Variants in FGFR1OP2 observed in about 807,000 individuals in gnomAD.
The protein encoded by FGFR1OP2 is FGFR1 oncogene partner 2.
Under a neutral mutation model 35.2 loss-of-function variants are expected in FGFR1OP2, and 17 were observed. The observed-to-expected ratio is 0.48, with a 90% CI of 0.33 to 0.73. The LOEUF (loss-of-function observed/expected upper bound fraction) is 0.73. FGFR1OP2 is among the 30% of genes least tolerant of loss of function. The probability of loss-of-function intolerance (pLI) is 0.02; values close to 1 mark genes in which losing one functional copy is unlikely to be tolerated. For synonymous variants in FGFR1OP2, 105 were observed against 104.6 expected (o/e 1.00, Z -0.03); for missense variants, 251 against 307.3 (o/e 0.82, Z 1.37).
At position 26,954,194 on chromosome 12, in the gene FGFR1OP2, T is replaced by C. The variant is rs1938983216; in HGVS notation, c.36T>C (p.Ala12=). Residue 12 remains alanine, a synonymous_variant, in exon 2 of 7, where the codon GCT becomes GCC. Coordinates refer to ENST00000229395, the MANE Select transcript of FGFR1OP2 (RefSeq NM_015633.3). ...CAATTGAGAAGGCACTTGCCGACGC[T>C]AAAGCTCTTGTTGAAAGATTAAGAG... ...SCTIEKALAD[A]KALVERLRDH... The C allele has an allele frequency of 6.2e-7, 1 of 1,609,748 alleles. No homozygotes were observed.
chr12:26,941,215 G>A (rs887218667), intron 1 of FGFR1OP2, among the ~76,000 whole-genome samples: 1 of 152,032 alleles, frequency 6.6e-6, no homozygotes, highest in African/African-American at 2.4e-5. Context: ...AAAATAGGCC[G>A]AAAAGTTTAG....
In FGFR1OP2 at chr12:26,963,363, C is replaced by A; in HGVS notation, c.532C>A (p.Gln178Lys). The change falls in exon 6 of 7, where the codon CAG (glutamine) becomes AAG (lysine). Residue 178 changes from glutamine to lysine, a missense_variant. Gln to Lys is a moderately conservative substitution (Grantham distance 53). Transcript: ENST00000229395. ...TCAGGAACTGCAAGCACATGTTGAC[C>A]AGATAACTGAAATGGCAGCAGTAAT... ...NQNELQAHVD[Q>K]ITEMAAVMRK... 6.2e-7 allele frequency: 1 copy of A among 1,608,288 alleles called. No individual in the cohort carries two copies.
intron 3 of FGFR1OP2, among the ~76,000 whole-genome samples, chr12:26,957,169 C>G (rs889811305): frequency 6.6e-6 from 1 of 152,132 alleles, no homozygotes; most frequent in Non-Finnish European, 1.5e-5. Context: ...TCATGCCTAC[C>G]TGCTTAGAAG....
intron 1 of FGFR1OP2, among the ~76,000 whole-genome samples, chr12:26,939,641 CA>C (rs748247293): frequency 3.9e-4 from 59 of 152,192 alleles, no homozygotes; most frequent in Non-Finnish European, 7.1e-4. Context: ...CCCCAGGTGA[CA>C]TTGATACCGC....
chr12:26,961,503 G>A (rs1417541504), intron 5 of FGFR1OP2: 1 of 152,158 alleles, frequency 6.6e-6, no homozygotes, highest in Non-Finnish European at 1.5e-5. Context: ...TTGGGAGGCT[G>A]AGGTGGGTGG....
intron 1 of FGFR1OP2, among the ~76,000 whole-genome samples, chr12:26,941,796 T>G (rs1167041146): frequency 1.3e-5 from 2 of 152,236 alleles, no homozygotes; most frequent in Admixed American, 6.5e-5. Flanking sequence ...TATGGCTGGC[T>G]TGAAAATTTT....
intron 2 of FGFR1OP2, among the ~76,000 whole-genome samples, chr12:26,955,766 A>T (rs1466768250): frequency 6.6e-6 from 1 of 152,240 alleles, no homozygotes; most frequent in Non-Finnish European, 1.5e-5. Context: ...TGGTAAGAAT[A>T]TGCTGCTATG....
chr12:26,958,074 T>C (rs1939050819), intron 4 of FGFR1OP2: 1 of 171,844 alleles, frequency 5.8e-6, no homozygotes, highest in Non-Finnish European at 1.2e-5. Flanking sequence ...AAATATTTCT[T>C]AAAGGGCTGG....
chr12:26,959,843 G>A (rs987271732), intron 4 of FGFR1OP2, among the ~76,000 whole-genome samples: 4 of 152,040 alleles, frequency 2.6e-5, no homozygotes, highest in African/African-American at 9.7e-5. Flanking sequence ...GGTTAGTTAT[G>A]GGAAATAATA....
intron 5 of FGFR1OP2, chr12:26,963,039 A>G (rs1484489260): frequency 4.9e-6 from 1 of 204,350 alleles, no homozygotes; most frequent in Non-Finnish European, 9.8e-6. Context: ...TAGTGTATGT[A>G]AGTGCAAAAA....
intron 1 of FGFR1OP2, among the ~76,000 whole-genome samples, chr12:26,939,503 T>C (rs1592243774): frequency 2.0e-5 from 3 of 152,294 alleles, no homozygotes; most frequent in Admixed American, 2.0e-4. Flanking sequence ...TACTGGCTAT[T>C]TCCCCAAACA....
In FGFR1OP2 at chr12:26,965,131, C is replaced by T. The variant is rs969500668; in HGVS notation, c.*398C>T. The T allele has an allele frequency of 9.0e-5, 14 of 155,650 alleles. No homozygotes were observed. The highest frequency in any genetic ancestry group is 5.1e-4 in the Admixed American group (8 of 15,666). 9.6% of individuals were successfully genotyped at this position (155,650 alleles called of 1,614,324 possible). A position where few individuals can be genotyped will look rare whatever the true frequency, so the allele number is the denominator to read the frequency against. On this transcript the variant is annotated 3_prime_UTR_variant, in exon 7 of 7. Coordinates refer to ENST00000229395, the MANE Select transcript of FGFR1OP2 (RefSeq NM_015633.3). The stretch of plus-strand genomic sequence containing the variant: ...CTGTTTTGTGAACGGAGGATTTGTA[C>T]GCTAAATTTCATCCTTATTTGGCGT...
intron 1 of FGFR1OP2, among the ~76,000 whole-genome samples, chr12:26,950,347 T>A (rs575624194): frequency 6.8e-6 from 1 of 146,948 alleles, no homozygotes; most frequent in Non-Finnish European, 1.5e-5. Flanking sequence ...CTCAGCCTCC[T>A]GCGTAGCTGA....
Position 26,956,599 on chromosome 12 carries a change from G to A in FGFR1OP2, c.192G>A (p.Thr64=), listed in dbSNP as rs1939024781. ...NEVARHRPRS[T]LVMGIQQENR... ...TCGCGAGACATCGGCCACGGTCCAC[G>A]TTAGTTATGGGAATCCAGCAAGAAA... The change falls in exon 3 of 7, where the codon ACG becomes ACA. Residue 64 remains threonine, a synonymous_variant. Transcript: ENST00000229395. The A allele has an allele frequency of 1.9e-6, 3 of 1,604,918 alleles. No individual in the cohort carries two copies. The highest frequency in any genetic ancestry group is 1.3e-5 in the African/African-American group (1 of 74,594).
At chr12:26,954,412 A>C in intron 2 of FGFR1OP2, 119 bp downstream of exon 2, 1 of 1,216,540 alleles carries the variant, frequency 8.2e-7, no homozygotes, top group Non-Finnish European at 1.1e-6. Flanking sequence ...AAGTAGCTTG[A>C]CTTGTGTGTT....
intron 1 of FGFR1OP2, among the ~76,000 whole-genome samples, chr12:26,952,087 C>CTTTTTT (rs34270981): frequency 2.6e-5 from 3 of 117,220 alleles, no homozygotes; most frequent in Non-Finnish European, 3.5e-5. Flanking sequence ...AGTGCCCGTC[C>CTTTTTT]TTTTTTTTTT....
chr12:26,956,030 TA>T (rs1555211891), intron 2 of FGFR1OP2, among the ~76,000 whole-genome samples: 2 of 151,036 alleles, frequency 1.3e-5, no homozygotes, highest in African/African-American at 2.4e-5. Context: ...TTTTTTTTTT[TA>T]AAAAAAAGCT....
chr12:26,954,332 G>A lies in FGFR1OP2; in HGVS notation c.135+39G>A. On this transcript the variant is annotated intron_variant, in intron 2 of 6. Coordinates refer to ENST00000229395, the MANE Select transcript of FGFR1OP2 (RefSeq NM_015633.3). ...TTCTTGTTCATTCCATTTATCAAAA[G>A]CAGTCATTGACATTTATGTATTGCT... The A allele has an allele frequency of 2.6e-6, 4 of 1,556,050 alleles. No homozygotes were observed. In the South Asian group the frequency reaches 4.9e-5, roughly 19 times the overall value.
At chr12:26,957,541 G>T in intron 3 of FGFR1OP2, 60 bp from the exon 4 acceptor site, 1 of 1,469,966 alleles carries the variant, frequency 6.8e-7, no homozygotes, top group South Asian at 1.3e-5. Flanking sequence ...CTTAGTGGAA[G>T]AGAATATTTT....
Sources: gnomAD v4.1 joint callset for allele counts (sites outside exome capture counted in the v4.1 genomes callset) on GRCh38, gnomAD v4.1.1 for gene constraint, MANE v1.5 for transcripts, NCBI Gene and HGNC (gene_info 2026-07-23, HGNC 2026-07-21) for gene names.